Variants in ACSM2B observed in about 807,000 individuals in gnomAD.
ACSM2B encodes acyl-CoA synthetase medium chain family member 2B.
Under a neutral mutation model 78.6 loss-of-function variants are expected in ACSM2B, and 58 were observed. That is an observed-to-expected ratio of 0.74 (90% CI 0.60 to 0.92). The LOEUF is 0.92. Ranked by LOEUF, ACSM2B falls within the 40% of genes least tolerant of loss-of-function variation. ACSM2B has a pLI of 0.00. For missense variants in ACSM2B, 688 were observed against 711.2 expected (o/e 0.97, Z 0.37); for synonymous variants, 257 against 256.8 (o/e 1.00, Z -0.01).
chr16:20,548,739 T>C (rs2015218562), intron 6 of ACSM2B, among the ~76,000 whole-genome samples: 1 of 152,142 alleles, frequency 6.6e-6, no homozygotes, highest in South Asian at 2.1e-4. Context: ...TGGATGTCTG[T>C]TCCTGCCAGT....
At position 20,537,179 on chromosome 16, in the gene ACSM2B, C is replaced by G. The variant is rs1324277801; in HGVS notation, c.*79G>C. 5 of 1,521,042 alleles carry G rather than the reference C, an allele frequency of 3.3e-6. No homozygotes were observed. Among genetic ancestry groups the G allele is most frequent in the Non-Finnish European group, 4.5e-6 (5 of 1,104,854 alleles). 94.2% of individuals were successfully genotyped at this position (1,521,042 alleles called of 1,614,324 possible). On this transcript the variant is annotated 3_prime_UTR_variant, in exon 14 of 14. Coordinates refer to ENST00000329697, the MANE Select transcript of ACSM2B (RefSeq NM_001105069.2). ...TGTTCTTTCATAAAGAATCTCATAT[C>G]ATCATAGTAAGGCCAAGGGCCCAAA...
intron 12 of ACSM2B, chr16:20,541,908 C>G (rs1392775071): frequency 6.6e-6 from 1 of 152,248 alleles, no homozygotes; most frequent in African/African-American, 2.4e-5. Flanking sequence ...GTCTTGGACT[C>G]CTGACCTCGT....
rs1342748686 is a variant in ACSM2B, at chr16:20,537,344, G to A, written c.1648C>T (p.Leu550=). Residue 550 remains leucine, a synonymous_variant, in exon 14 of 14, where the codon CTG becomes TTG. Coordinates refer to ENST00000329697, the MANE Select transcript of ACSM2B (RefSeq NM_001105069.2). ...ATTTTCCCTGTGACAGTCTTGGGCA[G>A]GTTCAAGACAAACTCTATCTGTTGA... The part of the protein sequence containing the change: ...YPRKIEFVLN[L]PKTVTGKIQR... The A allele has an allele frequency of 6.2e-7, 1 of 1,613,992 alleles. No individual in the cohort carries two copies. The highest frequency in any genetic ancestry group is 2.2e-5 in the East Asian group (1 of 44,862).
At chr16:20,542,250 T>C (rs1345016535) in intron 12 of ACSM2B, 1 of 149,244 alleles carries the variant, frequency 6.7e-6, no homozygotes, top group African/African-American at 2.5e-5. Context: ...CATCCCCCAC[T>C]TCCCCACCCA....
intron 12 of ACSM2B, chr16:20,542,275 C>T (rs1192809132): frequency 4.1e-5 from 6 of 148,108 alleles, no homozygotes; most frequent in Non-Finnish European, 7.4e-5. Flanking sequence ...CCCTTCCCAG[C>T]CTCTGGTATC....
At chr16:20,564,380 C>T (rs897689309) in intron 2 of ACSM2B, among the ~76,000 whole-genome samples, 37 of 152,144 alleles carry the variant, frequency 2.4e-4, no homozygotes, top group African/African-American at 8.9e-4. Flanking sequence ...CTCATTTCAC[C>T]CTGGGAGGTC....
chr16:20,566,269 ATATATATATATATAT>A (rs2015835169), intron 1 of ACSM2B, among the ~76,000 whole-genome samples: 1 of 132,392 alleles, frequency 7.6e-6, no homozygotes, highest in South Asian at 2.2e-4. Flanking sequence ...ATATATATAT[ATATATATATATATAT>A]AGACAGATAT....
chr16:20,563,491 A>C (rs1299756830), intron 2 of ACSM2B, among the ~76,000 whole-genome samples: 1 of 152,142 alleles, frequency 6.6e-6, no homozygotes, highest in African/African-American at 2.4e-5. Context: ...ATGTTTATAT[A>C]GCAAATTTAC....
chr16:20,569,248 A>C (rs373943575), intron 1 of ACSM2B, among the ~76,000 whole-genome samples: 1 of 151,862 alleles, frequency 6.6e-6, no homozygotes, highest in African/African-American at 2.4e-5. Flanking sequence ...GTATAAGGTG[A>C]TATATGAAGA....
At chr16:20,538,015 C>T (rs2014890730) in intron 13 of ACSM2B, among the ~76,000 whole-genome samples, 2 of 152,164 alleles carry the variant, frequency 1.3e-5, no homozygotes, top group African/African-American at 2.4e-5. Flanking sequence ...GATCCTCTAT[C>T]TCTAATATTC....
At chr16:20,566,133 A>G (rs1415279806) in intron 1 of ACSM2B, among the ~76,000 whole-genome samples, 1 of 145,318 alleles carries the variant, frequency 6.9e-6, no homozygotes, top group Non-Finnish European at 1.5e-5. Flanking sequence ...CTATTTTTAT[A>G]TATATTTTTG....
Position 20,565,834 on chromosome 16 carries a change from A to C in ACSM2B, c.-8-981T>G, listed in dbSNP as rs1000873528. ...CACCTCCTTCCCGTCATTTCCCCCA[A>C]CTCCTCAAAGTTCATTGTGTCATAC... is the stretch of plus-strand genomic sequence containing the variant. On this transcript the variant is annotated intron_variant, in intron 1 of 13. Coordinates refer to ENST00000329697, the MANE Select transcript of ACSM2B (RefSeq NM_001105069.2). Among the ~76,000 whole-genome samples, 4 of 151,522 alleles carry C rather than the reference A, an allele frequency of 2.6e-5. No individual in the cohort carries two copies. In the Admixed American group the frequency reaches 2.6e-4, roughly 10 times the overall value.
chr16:20,543,795 C>G (rs1216519445), intron 10 of ACSM2B, among the ~76,000 whole-genome samples: 2 of 152,148 alleles, frequency 1.3e-5, no homozygotes, highest in Non-Finnish European at 2.9e-5. Flanking sequence ...TATCCCTTGT[C>G]AGTGCATCTT....
intron 2 of ACSM2B, among the ~76,000 whole-genome samples, chr16:20,562,473 A>C (rs945113788): frequency 2.0e-5 from 3 of 152,164 alleles, no homozygotes; most frequent in Non-Finnish European, 4.4e-5. Context: ...AGCCTTGCTA[A>C]TAGAGTTGTT....
At chr16:20,568,455 T>C (rs2015999301) in intron 1 of ACSM2B, among the ~76,000 whole-genome samples, 1 of 149,474 alleles carries the variant, frequency 6.7e-6, no homozygotes, top group African/African-American at 2.4e-5. Context: ...GAATACAAGT[T>C]TCTTTACTTG....
intron 1 of ACSM2B, among the ~76,000 whole-genome samples, chr16:20,567,035 ACT>A (rs1377161260): frequency 1.5e-5 from 2 of 133,936 alleles, no homozygotes; most frequent in African/African-American, 5.5e-5. Flanking sequence ...CTATAAATTC[ACT>A]CAGAGTCAGA....
In ACSM2B at chr16:20,571,210, T is replaced by C. The variant is rs1283553536; in HGVS notation, c.-9+4997A>G. On this transcript the variant is annotated intron_variant, in intron 1 of 13. Coordinates refer to ENST00000329697, the MANE Select transcript of ACSM2B (RefSeq NM_001105069.2). ...ACTTTTTGATGAAGGCATTTAAGGC[T>C]ATGAACTTTCCTCTTAGTACCATCT... Among the ~76,000 whole-genome samples, 3 of 152,096 alleles carry C rather than the reference T, an allele frequency of 2.0e-5. No individual in the cohort carries two copies. The East Asian group carries it at 5.8e-4, about 29-fold the overall frequency.
chr16:20,566,730 TATAGTATATAC>T (rs2015891092), intron 1 of ACSM2B, among the ~76,000 whole-genome samples: 1 of 18,946 alleles, frequency 5.3e-5, no homozygotes, highest in African/African-American at 2.6e-4. Context: ...ATATACTATA[TATAGTATATAC>T]TATATATACT....
chr16:20,569,710 G>C (rs1596739759), intron 1 of ACSM2B, among the ~76,000 whole-genome samples: 1 of 151,920 alleles, frequency 6.6e-6, no homozygotes, highest in Admixed American at 6.6e-5. Flanking sequence ...CATGAGCATA[G>C]GATGTGTTCC....
Sources: allele counts gnomAD v4.1 joint callset (sites outside exome capture counted in the v4.1 genomes callset), GRCh38; gene constraint gnomAD v4.1.1; transcripts MANE v1.5; gene names NCBI Gene and HGNC (gene_info 2026-07-23, HGNC 2026-07-21).